The following NINL variants were observed in gnomAD, a reference collection of about 807,000 sequenced individuals.
NINL encodes ninein-like protein.
A neutral mutation model predicts 160.3 loss-of-function variants in NINL; 153 were observed. The ratio of observed to expected loss-of-function variants is 0.95; its 90% CI spans 0.84 to 1.09. NINL has a LOEUF of 1.09. NINL is among the 50% of genes least tolerant of loss of function. NINL has a pLI of 0.00. For missense variants in NINL, 1,829 were observed against 1,764.0 expected, an observed-to-expected ratio of 1.04 and a Z score of -0.66; for synonymous variants, 800 against 734.8, an observed-to-expected ratio of 1.09 and a Z score of -1.43.
At chr20:25,550,790 G>A (rs1420772992) in intron 1 of NINL, among the ~76,000 whole-genome samples, 1 of 152,156 alleles carries the variant, frequency 6.6e-6, no homozygotes, top group African/African-American at 2.4e-5. Context: ...TAGAATGTAC[G>A]ATCAGGTTTT....
chr20:25,477,815 C>T (rs558352004), intron 16 of NINL, among the ~76,000 whole-genome samples: 7 of 152,272 alleles, frequency 4.6e-5, no homozygotes, highest in Admixed American at 3.9e-4. Context: ...TGTGCCTGCC[C>T]CTCTGTTCCC....
At chr20:25,498,026 C>G (rs923998197) in intron 9 of NINL, among the ~76,000 whole-genome samples, 184 bp downstream of exon 9, 4 of 152,242 alleles carry the variant, frequency 2.6e-5, no homozygotes, top group African/African-American at 9.6e-5. Flanking sequence ...CTGCTCCTGT[C>G]CCTCTGCGAG....
intron 4 of NINL, among the ~76,000 whole-genome samples, chr20:25,511,714 C>G (rs983227854): frequency 6.6e-6 from 1 of 152,116 alleles, no homozygotes; most frequent in South Asian, 2.1e-4. Context: ...TCCCTGAGGT[C>G]CAAATTTTTA....
chr20:25,485,340 C>G (rs532134975), intron 13 of NINL, among the ~76,000 whole-genome samples: 8 of 152,286 alleles, frequency 5.3e-5, no homozygotes, highest in African/African-American at 1.9e-4. Context: ...TGGTTTAAAG[C>G]CTGTATCAAT....
intron 13 of NINL, among the ~76,000 whole-genome samples, chr20:25,488,289 G>A (rs1022262757): frequency 2.0e-5 from 3 of 152,108 alleles, no homozygotes; most frequent in African/African-American, 4.8e-5. Flanking sequence ...ACAGTGGTGC[G>A]ATCTCGGCTC....
At chr20:25,486,162 G>C (rs1159781372) in intron 13 of NINL, among the ~76,000 whole-genome samples, 1 of 152,130 alleles carries the variant, frequency 6.6e-6, no homozygotes, top group African/African-American at 2.4e-5. Context: ...CTGTGCACTA[G>C]TTTTGTTTGT....
intron 22 of NINL, among the ~76,000 whole-genome samples, chr20:25,456,490 G>A (rs1234511005): frequency 6.6e-6 from 1 of 151,806 alleles, no homozygotes; most frequent in Non-Finnish European, 1.5e-5. Flanking sequence ...GGAGGTTGCA[G>A]TGAGCCAAGA....
chr20:25,577,742 C>T (rs1346749045), intron 1 of NINL, among the ~76,000 whole-genome samples: 1 of 152,114 alleles, frequency 6.6e-6, no homozygotes, highest in Non-Finnish European at 1.5e-5. Flanking sequence ...AGCCCACCAC[C>T]CCTCTTTGTG....
chr20:25,487,423 T>C (rs1253451816), intron 13 of NINL, among the ~76,000 whole-genome samples: 5 of 152,198 alleles, frequency 3.3e-5, no homozygotes. Flanking sequence ...TCCACTTCCA[T>C]GTTATTTTCA....
At chr20:25,510,305 A>G (rs1273377013) in intron 5 of NINL, among the ~76,000 whole-genome samples, 1 of 152,250 alleles carries the variant, frequency 6.6e-6, no homozygotes, top group Non-Finnish European at 1.5e-5. Context: ...AAGGAGGTGC[A>G]GGGGCAGTCT....
chr20:25,561,574 AC>A (rs2064938130), intron 1 of NINL, among the ~76,000 whole-genome samples: 2 of 145,836 alleles, frequency 1.4e-5, no homozygotes, highest in Admixed American at 1.4e-4. Context: ...CCGCCATCCC[AC>A]CTAGGAAGTG....
intron 21 of NINL, among the ~76,000 whole-genome samples, chr20:25,459,885 A>G (rs2090795989): frequency 6.6e-6 from 1 of 152,182 alleles, no homozygotes. Flanking sequence ...TCACAGGGAC[A>G]GGGAAAGACG....
intron 13 of NINL, 153 bp downstream of exon 13, chr20:25,489,091 C>T: frequency 4.1e-6 from 3 of 735,218 alleles, no homozygotes; most frequent in Non-Finnish European, 4.7e-6. Flanking sequence ...CCAGGGAACC[C>T]TAAGTCTAGG....
At chr20:25,566,735 A>C (rs953169277) in intron 1 of NINL, among the ~76,000 whole-genome samples, 1 of 152,146 alleles carries the variant, frequency 6.6e-6, no homozygotes, top group African/African-American at 2.4e-5. Flanking sequence ...TTGAGGCTGC[A>C]GTGAGCTATT....
At chr20:25,578,463 C>A (rs1021560997) in intron 1 of NINL, among the ~76,000 whole-genome samples, 1 of 152,006 alleles carries the variant, frequency 6.6e-6, no homozygotes, top group South Asian at 2.1e-4. Flanking sequence ...AAAAGCAAAG[C>A]ACAATTCATT....
At chr20:25,496,009 T>G (rs2063745715) in intron 10 of NINL, among the ~76,000 whole-genome samples, 1 of 152,148 alleles carries the variant, frequency 6.6e-6, no homozygotes, top group African/African-American at 2.4e-5. Flanking sequence ...CTGGGTGTGG[T>G]GGCAGGCGCC....
chr20:25,477,106 G>T lies in NINL; in HGVS notation c.2202-17C>A, dbSNP rs779342528. On this transcript the variant is annotated splice_polypyrimidine_tract_variant and intron_variant, in intron 16 of 23. Transcript: ENST00000278886. The stretch of plus-strand genomic sequence containing the variant: ...GCCTCTCTCCTGTGGAAGTAGAACC[G>T]TCACACACCACAGCCCTGCCGCCCC... 22 of 1,575,938 alleles carry T rather than the reference G, an allele frequency of 1.4e-5. No individual in the cohort carries two copies. Among genetic ancestry groups the T allele is most frequent in the Non-Finnish European group, 1.9e-5 (22 of 1,168,722 alleles).
At chr20:25,492,474 CAG>C (rs1231794962) in intron 10 of NINL, among the ~76,000 whole-genome samples, 2 of 151,396 alleles carry the variant, frequency 1.3e-5, no homozygotes, top group African/African-American at 2.4e-5. Flanking sequence ...TTTTTGGAGA[CAG>C]AGTCTTGCTC....
At chr20:25,545,474 A>AC (rs2064720160) in intron 1 of NINL, among the ~76,000 whole-genome samples, 1 of 108,130 alleles carries the variant, frequency 9.2e-6, no homozygotes, top group Non-Finnish European at 2.2e-5. Context: ...TAAAATTCTG[A>AC]GCCCCCCCCC....
Sources: allele counts gnomAD v4.1 joint callset (sites outside exome capture counted in the v4.1 genomes callset), GRCh38; gene constraint gnomAD v4.1.1; transcripts MANE v1.5; gene names NCBI Gene and HGNC (gene_info 2026-07-23, HGNC 2026-07-21).